The following IL4I1 variants were observed in gnomAD, a reference collection of about 807,000 sequenced individuals.
IL4I1 encodes the protein interleukin 4 induced 1.
In IL4I1, 24 loss-of-function variants were observed where a neutral mutation model predicts 29.7. The observed-to-expected ratio is 0.81, with a 90% CI of 0.59 to 1.14. The LOEUF (loss-of-function observed/expected upper bound fraction) is 1.14, where lower values mean the gene tolerates loss of function less well. IL4I1 is among the 50% of genes most tolerant of loss of function. IL4I1 has a pLI of 0.00. For missense variants in IL4I1, 686 were observed against 785.6 expected (o/e 0.87, Z 1.52); for synonymous variants, 371 against 352.5 (o/e 1.05, Z -0.59).
chr19:49,907,248 C>A, intron 2 of IL4I1: 1 of 292,718 alleles, frequency 3.4e-6, no homozygotes, highest in Non-Finnish European at 6.6e-6. Flanking sequence ...CTACGGGGAC[C>A]TGCAAGAAGG....
At chr19:49,928,266 C>G (rs2075957312) in intron 1 of IL4I1, 3 of 152,296 alleles carry the variant, frequency 2.0e-5, no homozygotes, top group Admixed American at 2.0e-4. Context: ...GCCTGTAATC[C>G]CAGCACTTTG....
chr19:49,900,135 C>T (rs2075259069), upstream of IL4I1, among the ~76,000 whole-genome samples: 1 of 152,152 alleles, frequency 6.6e-6, no homozygotes, highest in Non-Finnish European at 1.5e-5. Flanking sequence ...CTATGCCCGG[C>T]CCCTTTGAGC....
upstream of IL4I1, among the ~76,000 whole-genome samples, chr19:49,900,147 T>A (rs2075259117): frequency 1.3e-5 from 2 of 152,026 alleles, no homozygotes; most frequent in South Asian, 4.1e-4. Flanking sequence ...CCTTTGAGCT[T>A]TTTTGTGCAT....
chr19:49,907,537 CTTTT>C (rs4009637), intron 2 of IL4I1: 3,096 of 325,388 alleles, frequency 9.5e-3, no homozygotes, highest in East Asian at 0.016. Context: ...CTGGGAGTTT[CTTTT>C]TTTTTTTTTT....
At chr19:49,912,175 T>TC (rs2075482932) in intron 2 of IL4I1, among the ~76,000 whole-genome samples, 1 of 150,350 alleles carries the variant, frequency 6.7e-6, no homozygotes, top group Non-Finnish European at 1.5e-5. Flanking sequence ...CCTTTTTTTT[T>TC]TTTTTTTTTT....
At position 49,890,246 on chromosome 19, in the gene IL4I1, G is replaced by A. The variant is rs376306472; in HGVS notation, c.1128C>T (p.Thr376=). The stretch of plus-strand genomic sequence containing the variant: ...AGAAAATCATGCGCGACGGGCGATC[G>A]GTGTTTGAGTGGCCGCCTTCAATGT... The part of the protein sequence containing the change: ...EEHIEGGHSN[T]DRPSRMIFYP... Residue 376 remains threonine, a synonymous_variant, in exon 8 of 8, where the codon ACC becomes ACT. Coordinates refer to ENST00000391826, the MANE Select transcript of IL4I1 (RefSeq NM_152899.2). 18 of 1,567,898 alleles carry A rather than the reference G, an allele frequency of 1.1e-5. No individual in the cohort carries two copies. The highest frequency in any genetic ancestry group is 1.1e-5 in the Non-Finnish European group (13 of 1,156,858).
At position 49,889,752 on chromosome 19, in the gene IL4I1, A is replaced by T; in HGVS notation, c.1622T>A (p.Leu541Gln). 6 of 1,519,520 alleles carry T rather than the reference A, an allele frequency of 3.9e-6. No individual in the cohort carries two copies. Among genetic ancestry groups the T allele is most frequent in the Non-Finnish European group, 5.3e-6 (6 of 1,133,876 alleles). 94.1% of individuals were successfully genotyped at this position (1,519,520 alleles called of 1,614,324 possible). ...HGVASSPSHD[L>Q]AKEEGSHPPV... The stretch of plus-strand genomic sequence containing the variant: ...AGGGTGGCTGCCTTCTTCCTTTGCC[A>T]GGTCATGCGAGGGGCTGCTGGCCAC... The change falls in exon 8 of 8, where the codon CTG (leucine) becomes CAG (glutamine). Residue 541 changes from leucine (L) to glutamine (Q), a missense_variant. Leu to Gln is a moderately radical substitution (Grantham distance 113). Coordinates refer to ENST00000391826, the MANE Select transcript of IL4I1 (RefSeq NM_152899.2).
At chr19:49,919,911 T>C (rs138673545) in intron 2 of IL4I1, among the ~76,000 whole-genome samples, 198 of 152,280 alleles carry the variant, frequency 1.3e-3, no homozygotes, top group African/African-American at 4.1e-3. Context: ...TTTTCCCCTC[T>C]ACCTACTGCA....
rs371580726 is a variant in IL4I1 at position 49,890,696 on chromosome 19, G to A, written c.774-96C>T. 8.0e-6 allele frequency: 9 copies of A among 1,125,150 alleles called. No individual in the cohort carries two copies. The South Asian group carries it at 1.3e-4, about 17-fold the overall frequency. 69.7% of individuals were successfully genotyped at this position (1,125,150 alleles called of 1,614,324 possible). A position where few individuals can be genotyped will look rare whatever the true frequency, so the allele number is the denominator to read the frequency against. ...CCCACCCCGGCAGCTGGCCCTTATG[G>A]GCACCGGCCCGCTCCCCCGTCATCC... On this transcript the variant is annotated intron_variant, in intron 7 of 7. Coordinates refer to ENST00000391826, the MANE Select transcript of IL4I1 (RefSeq NM_152899.2).
intron 2 of IL4I1, chr19:49,908,065 G>C (rs2075363031): frequency 7.9e-6 from 11 of 1,391,034 alleles, no homozygotes; most frequent in Non-Finnish European, 3.8e-6. Flanking sequence ...AGAAGGCCCA[G>C]AATACCCTCC....
intron 2 of IL4I1, among the ~76,000 whole-genome samples, chr19:49,920,230 G>A (rs2075732605): frequency 1.3e-5 from 2 of 152,260 alleles, no homozygotes; most frequent in South Asian, 2.1e-4. Flanking sequence ...CTACAGGCGC[G>A]TGCCACCACA....
intron 4 of IL4I1, among the ~76,000 whole-genome samples, chr19:49,894,741 C>T (rs1002192101): frequency 2.2e-4 from 27 of 123,112 alleles, no homozygotes; most frequent in African/African-American, 6.8e-4. Context: ...TTGGGTTGGA[C>T]GGGGGTTTGA....
intron 2 of IL4I1, chr19:49,907,960 C>G (rs2075360644): frequency 1.7e-6 from 1 of 572,040 alleles, no homozygotes; most frequent in Admixed American, 3.2e-5. Context: ...CCAGGCTGAG[C>G]CAGGATGAGG....
intron 7 of IL4I1, 92 bp downstream of exon 7, chr19:49,890,879 C>A: frequency 8.8e-7 from 1 of 1,132,646 alleles, no homozygotes; most frequent in Non-Finnish European, 1.2e-6. Flanking sequence ...CACAACAGCC[C>A]CGCCCCCAGA....
intron 2 of IL4I1, among the ~76,000 whole-genome samples, chr19:49,924,651 G>A (rs1445068739): frequency 6.6e-6 from 1 of 152,228 alleles, no homozygotes; most frequent in African/African-American, 2.4e-5. Context: ...ACAGGCCTGG[G>A]TCAGGAATGT....
At chr19:49,896,522 C>T (rs113611354) in intron 1 of IL4I1, among the ~76,000 whole-genome samples, 1,590 of 152,184 alleles carry the variant, frequency 0.01, 10 homozygotes, top group Middle Eastern at 0.041. Context: ...GCAACCTCCG[C>T]CTCCCAGGTT....
At position 49,889,803 on chromosome 19, in the gene IL4I1, A is replaced by G. The variant is rs1471768586; in HGVS notation, c.1571T>C (p.Met524Thr). 1 of 1,543,784 alleles carries G rather than the reference A, an allele frequency of 6.5e-7. No homozygotes were observed. Among genetic ancestry groups the G allele is most frequent in the Non-Finnish European group, 8.7e-7 (1 of 1,144,998 alleles). Reference protein sequence around the residue: ...TASPEGHASDMEGQGHVHGVA... With the variant: ...TASPEGHASDTEGQGHVHGVA... The stretch of plus-strand genomic sequence containing the variant: ...CCCATGCACATGCCCCTGCCCCTCC[A>G]TGTCAGATGCGTGCCCCTCGGGGCT... Residue 524 changes from methionine (M) to threonine (T), a missense_variant, in exon 8 of 8, where the codon ATG (methionine) becomes ACG (threonine). Transcript: ENST00000391826.
At chr19:49,898,039 G>A (rs865883396), upstream of IL4I1, among the ~76,000 whole-genome samples, 8 of 152,334 alleles carry the variant, frequency 5.3e-5, no homozygotes, top group Middle Eastern at 3.4e-3. Context: ...AAATAGTGAC[G>A]AGGGCCAGGG....
At chr19:49,890,798 AC>A (rs889041772) in intron 7 of IL4I1, among the ~76,000 whole-genome samples, 172 bp downstream of exon 7, 16 of 147,688 alleles carry the variant, frequency 1.1e-4, no homozygotes, top group African/African-American at 4.0e-4. Flanking sequence ...GGACCCCACC[AC>A]TTCTCCCCTA....
Sources: gnomAD v4.1 joint callset for allele counts (sites outside exome capture counted in the v4.1 genomes callset) on GRCh38, gnomAD v4.1.1 for gene constraint, MANE v1.5 for transcripts, NCBI Gene and HGNC (gene_info 2026-07-23, HGNC 2026-07-21) for gene names.